Variants in MCC observed in about 807,000 individuals in gnomAD.
The protein encoded by MCC is MCC regulator of Wnt signaling pathway.
In MCC, 90 loss-of-function variants were observed where a neutral mutation model predicts 116.2. That is an observed-to-expected ratio of 0.77 (90% CI 0.65 to 0.92). MCC has a LOEUF of 0.92. Among genes scored for constraint, MCC ranks in the 40% least tolerant of loss-of-function variants. The pLI is 0.00. For synonymous variants in MCC, 578 were observed against 510.5 expected, an observed-to-expected ratio of 1.13 and a Z score of -1.78; for missense variants, 1,516 against 1,312.2, an observed-to-expected ratio of 1.16 and a Z score of -2.40.
chr5:113,113,875 C>A (rs78064706), intron 6 of MCC, among the ~76,000 whole-genome samples: 4,778 of 152,000 alleles, frequency 0.031, 251 homozygotes, highest in African/African-American at 0.11. Flanking sequence ...TTGACTGGAT[C>A]TGGGACTAAA....
intron 1 of MCC, among the ~76,000 whole-genome samples, chr5:113,423,024 A>G (rs1032265647): frequency 1.3e-5 from 2 of 152,208 alleles, no homozygotes; most frequent in Non-Finnish European, 2.9e-5. Flanking sequence ...GTTTTCCACA[A>G]TTATTTGTGA....
At chr5:113,049,337 C>G in intron 15 of MCC, 38 bp from the exon 16 acceptor site, 1 of 1,507,958 alleles carries the variant, frequency 6.6e-7, no homozygotes, top group Non-Finnish European at 8.9e-7. Context: ...GAGGCATGCC[C>G]TATCTGAGAG....
chr5:113,091,902 A>C (rs1300300805), intron 8 of MCC, among the ~76,000 whole-genome samples: 1 of 145,682 alleles, frequency 6.9e-6, no homozygotes, highest in African/African-American at 2.5e-5. Context: ...ACACACACAC[A>C]CCACACAAAC....
At chr5:113,164,008 T>G in intron 3 of MCC, among the ~76,000 whole-genome samples, 1 of 152,198 alleles carries the variant, frequency 6.6e-6, no homozygotes, top group Non-Finnish European at 1.5e-5. Context: ...ATTATACAAT[T>G]TTTAAGTGTT....
At chr5:113,307,107 T>G (rs952808143) in intron 3 of MCC, among the ~76,000 whole-genome samples, 2 of 152,238 alleles carry the variant, frequency 1.3e-5, no homozygotes, top group African/African-American at 2.4e-5. Context: ...TCCAACTTTG[T>G]TCTTCTTCAG....
At chr5:113,279,642 T>A (rs1765959214) in intron 3 of MCC, among the ~76,000 whole-genome samples, 1 of 152,228 alleles carries the variant, frequency 6.6e-6, no homozygotes, top group South Asian at 2.1e-4. Context: ...CATCTTCTAA[T>A]ACTATTCATT....
intron 2 of MCC, among the ~76,000 whole-genome samples, chr5:113,349,421 A>G (rs1025570885): frequency 6.6e-6 from 1 of 152,098 alleles, no homozygotes; most frequent in Non-Finnish European, 1.5e-5. Flanking sequence ...TGATACTCAT[A>G]TCAACTGAAT....
At chr5:113,030,204 C>T (rs1277862136) in intron 17 of MCC, among the ~76,000 whole-genome samples, 2 of 152,154 alleles carry the variant, frequency 1.3e-5, no homozygotes, top group Non-Finnish European at 2.9e-5. Context: ...AGCAACTTCA[C>T]TTCTAGGAAT....
rs1750572841 is a variant in MCC, at chr5:113,026,691, G to A, written c.*611C>T. Reference sequence around the variant, plus strand: ...GTCTGTTTGTAACTTTAGTGTATCTGGGACTGTAAGTAACACCTGTCTACG... The same window carrying A: ...GTCTGTTTGTAACTTTAGTGTATCTAGGACTGTAAGTAACACCTGTCTACG... On this transcript the variant is annotated 3_prime_UTR_variant, in exon 19 of 19. Transcript: ENST00000408903. The A allele has an allele frequency of 6.6e-6, 1 of 152,276 alleles. No homozygotes were observed. The highest frequency in any genetic ancestry group is 1.5e-5 in the Non-Finnish European group (1 of 68,170). The allele number at this position is 152,276 out of a possible 1,614,324, so 9.4% of individuals were successfully genotyped here. A position where few individuals can be genotyped will look rare whatever the true frequency, so the allele number is the denominator to read the frequency against.
At chr5:113,149,917 G>A (rs4705796) in intron 4 of MCC, among the ~76,000 whole-genome samples, 94,384 of 151,898 alleles carry the variant, frequency 0.62, 29,822 homozygotes, top group East Asian at 0.73. Flanking sequence ...AAAACCAAAA[G>A]GAATTCACAG....
chr5:113,335,775 C>T (rs1451767800), intron 3 of MCC, among the ~76,000 whole-genome samples: 1 of 151,648 alleles, frequency 6.6e-6, no homozygotes, highest in East Asian at 1.9e-4. Flanking sequence ...AAGCTGGAAC[C>T]ACATTCCCCA....
chr5:113,213,630 G>A (rs958030839), intron 3 of MCC, among the ~76,000 whole-genome samples: 1 of 152,184 alleles, frequency 6.6e-6, no homozygotes, highest in Non-Finnish European at 1.5e-5. Flanking sequence ...AAAGCACGCG[G>A]GTAAGAGAGA....
At chr5:113,379,687 A>C (rs566996754) in intron 2 of MCC, among the ~76,000 whole-genome samples, 1 of 152,334 alleles carries the variant, frequency 6.6e-6, no homozygotes, top group South Asian at 2.1e-4. Context: ...AAAACACATA[A>C]AAATTTAAAA....
intron 3 of MCC, among the ~76,000 whole-genome samples, chr5:113,283,565 G>T (rs1581364405): frequency 3.3e-5 from 5 of 152,092 alleles, no homozygotes; most frequent in Non-Finnish European, 1.5e-5. Flanking sequence ...AGGATGCTGA[G>T]AAATTTTAAA....
At chr5:113,226,008 A>G (rs781131706) in intron 3 of MCC, among the ~76,000 whole-genome samples, 1 of 152,262 alleles carries the variant, frequency 6.6e-6, no homozygotes, top group Non-Finnish European at 1.5e-5. Flanking sequence ...CCCTGTCTCT[A>G]TTAAAAATAC....
intron 3 of MCC, among the ~76,000 whole-genome samples, chr5:113,256,189 G>A (rs1764995673): frequency 6.6e-6 from 1 of 151,852 alleles, no homozygotes; most frequent in Admixed American, 6.5e-5. Context: ...CTTTAGTAGA[G>A]TGATTCCTGG....
intron 6 of MCC, among the ~76,000 whole-genome samples, chr5:113,105,228 G>A (rs538758163): frequency 2.6e-5 from 4 of 152,114 alleles, no homozygotes; most frequent in East Asian, 3.8e-4. Flanking sequence ...CTTCACCTAC[G>A]TCCAGCCTAA....
intron 3 of MCC, among the ~76,000 whole-genome samples, chr5:113,296,151 G>C (rs928355653): frequency 6.6e-6 from 1 of 152,136 alleles, no homozygotes; most frequent in Non-Finnish European, 1.5e-5. Flanking sequence ...TGCCAAACTA[G>C]AGCACATTCT....
intron 3 of MCC, among the ~76,000 whole-genome samples, chr5:113,232,912 T>C (rs1020529734): frequency 6.6e-6 from 1 of 152,134 alleles, no homozygotes; most frequent in African/African-American, 2.4e-5. Context: ...AAAATGGAGA[T>C]GATTTAAAGT....
Sources: gnomAD v4.1 joint callset for allele counts (sites outside exome capture counted in the v4.1 genomes callset) on GRCh38, gnomAD v4.1.1 for gene constraint, MANE v1.5 for transcripts, NCBI Gene and HGNC (gene_info 2026-07-23, HGNC 2026-07-21) for gene names.